Variants in ZBTB20 observed in about 807,000 individuals in gnomAD.
The protein encoded by ZBTB20 is zinc finger and BTB domain-containing protein 20.
Under a neutral mutation model 56.9 loss-of-function variants are expected in ZBTB20, and 9 were observed. The ratio of observed to expected loss-of-function variants is 0.16; its 90% CI spans 0.10 to 0.28. The LOEUF is 0.28. Ranked by LOEUF, ZBTB20 falls within the 10% of genes least tolerant of loss-of-function variation. ZBTB20 has a pLI of 1.00. For synonymous variants in ZBTB20, 417 were observed against 420.7 expected (o/e 0.99, Z 0.11); for missense variants, 655 against 1,003.0 (o/e 0.65, Z 4.69).
At chr3:115,037,850 A>G (rs1206786420) in intron 2 of ZBTB20, among the ~76,000 whole-genome samples, 1 of 152,208 alleles carries the variant, frequency 6.6e-6, no homozygotes, top group Non-Finnish European at 1.5e-5. Flanking sequence ...GTAAGTTGCT[A>G]TTCCTTTAAA....
At chr3:115,011,686 T>C (rs1033055711) in intron 2 of ZBTB20, among the ~76,000 whole-genome samples, 3 of 151,882 alleles carry the variant, frequency 2.0e-5, no homozygotes, top group South Asian at 4.2e-4. Flanking sequence ...TAAAAAAGGA[T>C]GTTAATGAGC....
intron 2 of ZBTB20, among the ~76,000 whole-genome samples, chr3:115,050,126 T>C (rs1372660211): frequency 6.6e-6 from 1 of 151,978 alleles, no homozygotes; most frequent in Non-Finnish European, 1.5e-5. Flanking sequence ...CAAAGATGAA[T>C]TTAAAACATG....
At chr3:114,625,600 T>C (rs1016644707) in intron 6 of ZBTB20, among the ~76,000 whole-genome samples, 3 of 152,054 alleles carry the variant, frequency 2.0e-5, no homozygotes, top group Admixed American at 6.6e-5. Flanking sequence ...ACTCTTTAAG[T>C]TGAGCTTGGG....
intron 6 of ZBTB20, among the ~76,000 whole-genome samples, chr3:114,589,157 C>G (rs573106933): frequency 1.3e-5 from 2 of 152,262 alleles, no homozygotes; most frequent in Admixed American, 1.3e-4. Context: ...AGGACACAGC[C>G]AAACCATATC....
intron 7 of ZBTB20, among the ~76,000 whole-genome samples, chr3:114,468,604 G>A (rs1041919388): frequency 6.6e-6 from 1 of 152,088 alleles, no homozygotes; most frequent in Admixed American, 6.6e-5. Context: ...GGATATACCA[G>A]CATAAAATAC....
At chr3:115,067,582 T>C (rs1015019808) in intron 2 of ZBTB20, among the ~76,000 whole-genome samples, 1 of 152,024 alleles carries the variant, frequency 6.6e-6, no homozygotes, top group African/African-American at 2.4e-5. Context: ...TTGGTATTCT[T>C]ATCTTCAGAT....
rs183574269 is a variant in ZBTB20, at chr3:114,675,096, A to G, written c.-295+18432T>C. On this transcript the variant is annotated intron_variant, in intron 6 of 11. Coordinates refer to ENST00000675478, the MANE Select transcript of ZBTB20 (RefSeq NM_001348800.3). The stretch of plus-strand genomic sequence containing the variant: ...ATTATATATATTATATATATACACA[A>G]TATTTTTAATTTTTAATTTTATTTT... Among the ~76,000 whole-genome samples the G allele has an allele frequency of 2.5e-3, 367 of 148,588 alleles. 12 individuals carry two copies. Among genetic ancestry groups the G allele is most frequent in the Admixed American group, 0.023 (333 of 14,792 alleles).
intron 5 of ZBTB20, among the ~76,000 whole-genome samples, chr3:114,727,144 T>C (rs2065366512): frequency 6.6e-6 from 1 of 152,120 alleles, no homozygotes; most frequent in Non-Finnish European, 1.5e-5. Context: ...AATCCCTCTA[T>C]TGGGTTCAGG....
intron 5 of ZBTB20, among the ~76,000 whole-genome samples, chr3:114,725,473 T>G (rs2065206115): frequency 6.6e-6 from 1 of 152,228 alleles, no homozygotes; most frequent in African/African-American, 2.4e-5. Context: ...CTAAATGCAT[T>G]GTAGAATAAA....
chr3:115,139,091 A>G (rs1230962488), intron 1 of ZBTB20, among the ~76,000 whole-genome samples: 2 of 152,056 alleles, frequency 1.3e-5, no homozygotes, highest in Non-Finnish European at 2.9e-5. Context: ...ATGTTTGGTA[A>G]GCTAAAATAG....
intron 1 of ZBTB20, among the ~76,000 whole-genome samples, chr3:115,090,843 T>G (rs1038288388): frequency 6.6e-6 from 1 of 151,940 alleles, no homozygotes; most frequent in Non-Finnish European, 1.5e-5. Flanking sequence ...ATTTGCCCAG[T>G]CATAAGTTTG....
chr3:114,774,393 T>C (rs1316537319), intron 5 of ZBTB20, among the ~76,000 whole-genome samples: 1 of 152,126 alleles, frequency 6.6e-6, no homozygotes, highest in Admixed American at 6.5e-5. Flanking sequence ...AGGCCACACA[T>C]GGAAGGATAG....
At chr3:114,813,619 C>T (rs1482554408) in intron 4 of ZBTB20, among the ~76,000 whole-genome samples, 5 of 152,118 alleles carry the variant, frequency 3.3e-5, no homozygotes, top group African/African-American at 4.8e-5. Flanking sequence ...CGCATGGTGG[C>T]GCATACCTGT....
At chr3:114,769,452 G>A (rs960250735) in intron 5 of ZBTB20, among the ~76,000 whole-genome samples, 1 of 149,764 alleles carries the variant, frequency 6.7e-6, no homozygotes, top group Non-Finnish European at 1.5e-5. Context: ...TGATGCATAT[G>A]TATCTATTTG....
At chr3:114,955,525 TTCTTTTCACACTGC>T (rs1418492718) in intron 3 of ZBTB20, among the ~76,000 whole-genome samples, 2 of 152,162 alleles carry the variant, frequency 1.3e-5, no homozygotes, top group East Asian at 3.8e-4. Flanking sequence ...ATCACACTGT[TTCTTTTCACACTGC>T]CCAACTGAAG....
At chr3:114,897,644 T>C (rs909380964) in intron 4 of ZBTB20, among the ~76,000 whole-genome samples, 2 of 152,090 alleles carry the variant, frequency 1.3e-5, no homozygotes, top group African/African-American at 4.8e-5. Flanking sequence ...TCCTAATTTC[T>C]AATATTGAGA....
rs77867745 is a variant in ZBTB20 at position 114,522,369 on chromosome 3, G to A, written c.-294-21978C>T. Among the ~76,000 whole-genome samples, 794 of 152,216 alleles carry A rather than the reference G, an allele frequency of 5.2e-3. 8 individuals carry two copies. Among genetic ancestry groups the A allele is most frequent in the East Asian group, 0.04 (209 of 5,174 alleles). On this transcript the variant is annotated intron_variant, in intron 6 of 11. Coordinates refer to ENST00000675478, the MANE Select transcript of ZBTB20 (RefSeq NM_001348800.3). ...TGAGGGGAGTGAGCTAGGGTGGAGC[G>A]CTAAATGAAGACAGAGAGGTAATGG...
At chr3:114,771,213 A>G (rs2108742323) in intron 5 of ZBTB20, among the ~76,000 whole-genome samples, 1 of 152,322 alleles carries the variant, frequency 6.6e-6, no homozygotes, top group South Asian at 2.1e-4. Flanking sequence ...ATAAAAAATT[A>G]GTTGATTTAA....
chr3:114,690,195 A>AT (rs1674867112), intron 6 of ZBTB20, among the ~76,000 whole-genome samples: 1 of 151,794 alleles, frequency 6.6e-6, no homozygotes, highest in Non-Finnish European at 1.5e-5. Context: ...AAACCCTCAT[A>AT]TTTTTCTAGA....
Sources: gnomAD v4.1 joint callset for allele counts (sites outside exome capture counted in the v4.1 genomes callset) on GRCh38, gnomAD v4.1.1 for gene constraint, MANE v1.5 for transcripts, NCBI Gene and HGNC (gene_info 2026-07-23, HGNC 2026-07-21) for gene names.